The following BICRAL variants were observed in gnomAD, a reference collection of about 807,000 sequenced individuals.
BICRAL encodes BICRA like chromatin remodeling complex associated protein, also known as BRD4-interacting chromatin-remodeling complex-associated protein-like.
In BICRAL, 8 loss-of-function variants were observed where a neutral mutation model predicts 91.8. That is an observed-to-expected ratio of 0.09 (90% CI 0.05 to 0.16). BICRAL has a LOEUF of 0.16. Ranked by LOEUF, BICRAL falls within the 10% of genes least tolerant of loss-of-function variation. The pLI, the probability that BICRAL is intolerant of heterozygous loss-of-function variation, is 1.00. For missense variants in BICRAL, 1,038 were observed against 1,310.9 expected (o/e 0.79, Z 3.21); for synonymous variants, 445 against 491.1 (o/e 0.91, Z 1.24).
At chr6:42,770,562 C>T in intron 1 of BICRAL, among the ~76,000 whole-genome samples, 1 of 151,762 alleles carries the variant, frequency 6.6e-6, no homozygotes, top group East Asian at 1.9e-4. Flanking sequence ...TTACAGGCAC[C>T]TGCCACCATA....
At chr6:42,842,858 T>TTG (rs1764845143) in intron 6 of BICRAL, among the ~76,000 whole-genome samples, 1 of 143,262 alleles carries the variant, frequency 7.0e-6, no homozygotes, top group African/African-American at 2.6e-5. Flanking sequence ...AACACAGTAT[T>TTG]TTTTTTTTTT....
intron 6 of BICRAL, among the ~76,000 whole-genome samples, chr6:42,844,547 A>AAAG (rs1562490472): frequency 5.2e-5 from 4 of 77,306 alleles, no homozygotes; most frequent in South Asian, 6.0e-4. Flanking sequence ...AAAAAAAAAG[A>AAAG]GGGTGTTGCA....
intron 1 of BICRAL, among the ~76,000 whole-genome samples, chr6:42,784,215 T>C (rs144118093): frequency 6.6e-6 from 1 of 152,332 alleles, no homozygotes; most frequent in East Asian, 1.9e-4. Context: ...TAAATACGCT[T>C]TAAAACAGTC....
intron 6 of BICRAL, among the ~76,000 whole-genome samples, chr6:42,846,400 T>C (rs914865347): frequency 2.6e-5 from 4 of 151,492 alleles, no homozygotes; most frequent in South Asian, 2.1e-4. Flanking sequence ...GTTAAATAAA[T>C]AAATAAATAA....
chr6:42,787,993 C>T (rs574324272), intron 1 of BICRAL, among the ~76,000 whole-genome samples: 8 of 151,536 alleles, frequency 5.3e-5, no homozygotes. Flanking sequence ...CTACTGGGCT[C>T]AAGTGATCCT....
intron 6 of BICRAL, among the ~76,000 whole-genome samples, chr6:42,832,408 T>C (rs916298433): frequency 4.7e-5 from 7 of 147,420 alleles, no homozygotes; most frequent in Non-Finnish European, 8.9e-5. Flanking sequence ...TACATATATA[T>C]GTATATATAT....
At chr6:42,851,902 C>A (rs1765195444) in intron 6 of BICRAL, among the ~76,000 whole-genome samples, 190 bp from the exon 7 acceptor site, 1 of 152,110 alleles carries the variant, frequency 6.6e-6, no homozygotes, top group African/African-American at 2.4e-5. Flanking sequence ...AGTGTGCCTG[C>A]AGATTGTTAA....
chr6:42,857,614 A>AAAAAAAAAAAATAT, intron 10 of BICRAL, among the ~76,000 whole-genome samples: 68 of 96,200 alleles, frequency 7.1e-4, no homozygotes, highest in Admixed American at 1.2e-3. Context: ...AAAAAAAAAA[A>AAAAAAAAAAAATAT]ATATATATAT....
chr6:42,812,980 C>T (rs1468798688), intron 2 of BICRAL, among the ~76,000 whole-genome samples: 9 of 152,070 alleles, frequency 5.9e-5, no homozygotes, highest in Non-Finnish European at 8.8e-5. Context: ...GGCTGCAATC[C>T]GCTGTGATCC....
At chr6:42,751,439 A>T (rs2152019083) in intron 1 of BICRAL, among the ~76,000 whole-genome samples, 1 of 152,246 alleles carries the variant, frequency 6.6e-6, no homozygotes, top group African/African-American at 2.4e-5. Context: ...TATTTATTTG[A>T]TCTTTTAATG....
intron 1 of BICRAL, among the ~76,000 whole-genome samples, chr6:42,787,483 G>T (rs1187332403): frequency 6.6e-6 from 1 of 151,996 alleles, no homozygotes; most frequent in Non-Finnish European, 1.5e-5. Flanking sequence ...ATCAAGCCCT[G>T]CGAGACTGGA....
intron 2 of BICRAL, among the ~76,000 whole-genome samples, chr6:42,815,975 A>C (rs1763979432): frequency 7.4e-6 from 1 of 134,292 alleles, no homozygotes; most frequent in Non-Finnish European, 1.6e-5. Context: ...CAAGAGAGAA[A>C]CTCTGTCTCA....
Position 42,810,314 on chromosome 6 carries a change from C to T in BICRAL, c.-93C>T, listed in dbSNP as rs1167373769. ...GTCATGTTTTCTTCTAGCAAAACGT[C>T]ATATTATTTCACAAAAAGCCCAGCG... On this transcript the variant is annotated 5_prime_UTR_variant, in exon 2 of 13. Coordinates refer to ENST00000314073, the MANE Select transcript of BICRAL (RefSeq NM_001393499.1). 6.6e-6 allele frequency: 1 copy of T among 152,082 alleles called. No homozygotes were observed. The highest frequency in any genetic ancestry group is 1.5e-5 in the Non-Finnish European group (1 of 68,012). 9.4% of individuals were successfully genotyped at this position (152,082 alleles called of 1,614,324 possible).
rs193093524 is a variant in BICRAL at position 42,750,015 on chromosome 6, C to T, written c.-261+2992C>T. ...GATTACAGGTGCCCACCACCACGCC[C>T]GGCTAATTTTTTTTAATATATATAG... On this transcript the variant is annotated intron_variant, in intron 1 of 14. Transcript: ENST00000614467. 4.6e-5 allele frequency among the ~76,000 whole-genome samples: 7 copies of T among 151,870 alleles called. No homozygotes were observed. In the East Asian group the frequency reaches 9.7e-4, roughly 21 times the overall value.
chr6:42,862,511 G>T lies in BICRAL; in HGVS notation c.2351G>T (p.Arg784Leu). The T allele has an allele frequency of 6.3e-7, 1 of 1,591,140 alleles. No homozygotes were observed. Among genetic ancestry groups the T allele is most frequent in the Non-Finnish European group, 8.6e-7 (1 of 1,160,668 alleles). The change falls in exon 12 of 13, where the codon CGA becomes CTA. Residue 784 changes from arginine (R) to leucine (L), a missense_variant and splice_region_variant. By Grantham distance (102) the Arg-to-Leu change is moderately radical. Transcript: ENST00000314073. ...ATGACTGGCCTCTCTCTTTTTCAGC[G>T]AATCAATCCCTCTGCTGAGATGGTG... ...YRCLLLEDAM[R>L]INPSAEMVMI...
At chr6:42,846,229 G>C (rs1374531556) in intron 6 of BICRAL, among the ~76,000 whole-genome samples, 1 of 151,674 alleles carries the variant, frequency 6.6e-6, no homozygotes, top group Non-Finnish European at 1.5e-5. Context: ...ACAAAAATTA[G>C]CCGGGCGTGG....
chr6:42,842,296 C>G (rs1764822169), intron 6 of BICRAL, among the ~76,000 whole-genome samples: 2 of 152,204 alleles, frequency 1.3e-5, no homozygotes, highest in African/African-American at 4.8e-5. Context: ...CATTGCAACC[C>G]TAACGCCTCC....
chr6:42,767,761 G>A lies in BICRAL; in HGVS notation c.-260-14078G>A, dbSNP rs1245758401. Among the ~76,000 whole-genome samples the A allele has an allele frequency of 3.3e-5, 5 of 152,204 alleles. No individual in the cohort carries two copies. In the South Asian group the frequency reaches 6.2e-4, roughly 19 times the overall value. ...GCTGACCATACTGTGTGTTATCAAGGAGGAAGGAAGTTCTATGGAAGTACA... is the reference window on the plus strand; with the variant it reads ...GCTGACCATACTGTGTGTTATCAAGAAGGAAGGAAGTTCTATGGAAGTACA... On this transcript the variant is annotated intron_variant, in intron 1 of 14. Coordinates refer to the BICRAL transcript ENST00000614467.
intron 1 of BICRAL, among the ~76,000 whole-genome samples, chr6:42,762,853 G>C (rs971631154): frequency 1.3e-5 from 2 of 152,010 alleles, no homozygotes; most frequent in African/African-American, 4.8e-5. Flanking sequence ...CTTGAGCCTG[G>C]GAGGTCGAGG....
Sources: gnomAD v4.1 joint callset for allele counts (sites outside exome capture counted in the v4.1 genomes callset) on GRCh38, gnomAD v4.1.1 for gene constraint, MANE v1.5 for transcripts, NCBI Gene and HGNC (gene_info 2026-07-23, HGNC 2026-07-21) for gene names.